ANKRD13B: variants seen among roughly 807,000 people sequenced by gnomAD.
ANKRD13B encodes the protein ankyrin repeat domain 13B, also known as ankyrin repeat domain-containing protein 13B.
ANKRD13B carries 33 observed loss-of-function variants against 74.4 expected under a neutral mutation model. That is an observed-to-expected ratio of 0.44 (90% CI 0.34 to 0.59). The LOEUF is 0.59. Ranked by LOEUF, ANKRD13B falls within the 20% of genes least tolerant of loss-of-function variation. ANKRD13B has a pLI of 0.02. For synonymous variants in ANKRD13B, 341 were observed against 362.9 expected, an observed-to-expected ratio of 0.94 and a Z score of 0.68; for missense variants, 676 against 877.9, an observed-to-expected ratio of 0.77 and a Z score of 2.91.
chr17:29,593,777 G>A, intron 1 of ANKRD13B, 42 bp downstream of exon 1: 2 of 1,257,062 alleles, frequency 1.6e-6, no homozygotes, highest in South Asian at 2.1e-5. Flanking sequence ...CCGCGGCCGG[G>A]CACGCCCGTC....
intron 1 of ANKRD13B, among the ~76,000 whole-genome samples, chr17:29,602,229 A>G (rs893090461): frequency 6.6e-6 from 1 of 151,906 alleles, no homozygotes; most frequent in Non-Finnish European, 1.5e-5. Flanking sequence ...CCCCGTCTCT[A>G]CTAAAAATAC....
intron 1 of ANKRD13B, among the ~76,000 whole-genome samples, chr17:29,602,653 T>G (rs1429615051): frequency 1.3e-5 from 2 of 152,174 alleles, no homozygotes; most frequent in Non-Finnish European, 2.9e-5. Context: ...GCCCCCTGGG[T>G]GATCCAGGAT....
chr17:29,595,956 C>T (rs921501134), intron 1 of ANKRD13B, among the ~76,000 whole-genome samples: 1 of 152,168 alleles, frequency 6.6e-6, no homozygotes, highest in African/African-American at 2.4e-5. Flanking sequence ...CTGTTTTCTG[C>T]AAGGGGGACC....
At position 29,608,178 on chromosome 17, in the gene ANKRD13B, T is replaced by C; in HGVS notation, c.376-17T>C. 6.2e-7 allele frequency: 1 copy of C among 1,614,134 alleles called. No homozygotes were observed. Among genetic ancestry groups the C allele is most frequent in the South Asian group, 1.1e-5 (1 of 91,082 alleles). On this transcript the variant is annotated splice_polypyrimidine_tract_variant and intron_variant, in intron 3 of 14. Transcript: ENST00000394859. This position sits in a 1 kb window ranked among gnomAD's most constrained non-coding sequence, Gnocchi z 6.4. ...TTCTCCAGTGCAGACTTAGCCTCTC[T>C]CCCCTTCGTCCTCCAGGCCCAGGAC...
intron 1 of ANKRD13B, among the ~76,000 whole-genome samples, chr17:29,596,478 G>C (rs571391537): frequency 6.6e-6 from 1 of 152,326 alleles, no homozygotes; most frequent in East Asian, 1.9e-4. Context: ...TTCTGGAGTC[G>C]TGAGTTCCTG....
Position 29,609,570 on chromosome 17 carries a change from C to G in ANKRD13B, c.822+149C>G. 3 of 853,472 alleles carry G rather than the reference C, an allele frequency of 3.5e-6. No homozygotes were observed. The highest frequency in any genetic ancestry group is 5.5e-6 in the Non-Finnish European group (3 of 549,326). The allele number at this position is 853,472 out of a possible 1,614,324, so 52.9% of individuals were successfully genotyped here. A position where few individuals can be genotyped will look rare whatever the true frequency, so the allele number is the denominator to read the frequency against. On this transcript the variant is annotated intron_variant, in intron 7 of 14. Coordinates refer to ENST00000394859, the MANE Select transcript of ANKRD13B (RefSeq NM_152345.5). The surrounding 1 kb of genome is among the most constrained non-coding windows in gnomAD (Gnocchi z 4.0). ...TTATATTTGGGTTCAAGGCACTTCTCTGGTGTTTTATATGGATGTATGGAT... is the reference window on the plus strand; with the variant it reads ...TTATATTTGGGTTCAAGGCACTTCTGTGGTGTTTTATATGGATGTATGGAT...
rs1004006543 is a variant in ANKRD13B at position 29,613,728 on chromosome 17, C to T, written c.*146C>T. ...GTGCAGCAGCACAGCAGGCACGGTT[C>T]GGGGAGGGATTCGGCATGGCCGCGG... On this transcript the variant is annotated 3_prime_UTR_variant, in exon 15 of 15. Coordinates refer to ENST00000394859, the MANE Select transcript of ANKRD13B (RefSeq NM_152345.5). 91 of 1,294,532 alleles carry T rather than the reference C, an allele frequency of 7.0e-5. No individual in the cohort carries two copies. The Middle Eastern group carries it at 9.6e-4, about 14-fold the overall frequency. 80.2% of individuals were successfully genotyped at this position (1,294,532 alleles called of 1,614,324 possible). A position where few individuals can be genotyped will look rare whatever the true frequency, so the allele number is the denominator to read the frequency against.
Position 29,609,065 on chromosome 17 carries a change from G to A in ANKRD13B, c.566-21G>A. 3 of 1,611,516 alleles carry A rather than the reference G, an allele frequency of 1.9e-6. No individual in the cohort carries two copies. The highest frequency in any genetic ancestry group is 2.2e-5 in the East Asian group (1 of 44,872). On this transcript the variant is annotated intron_variant, in intron 5 of 14. Coordinates refer to ENST00000394859, the MANE Select transcript of ANKRD13B (RefSeq NM_152345.5). The surrounding 1 kb of genome is among the most constrained non-coding windows in gnomAD (Gnocchi z 4.0). Reference sequence around the variant, plus strand: ...GCCCCAGGCCACCCCTGATCCCCCTGTGCTGTTCCGTGTCTGGCAGACACA... The same window carrying A: ...GCCCCAGGCCACCCCTGATCCCCCTATGCTGTTCCGTGTCTGGCAGACACA...
In ANKRD13B at chr17:29,604,216, C is replaced by CT. The variant is rs111762441; in HGVS notation, c.115-3516dup. On this transcript the variant is annotated intron_variant, in intron 1 of 14. Transcript: ENST00000394859. The stretch of plus-strand genomic sequence containing the variant: ...GCAAATCAGTTTGACCTTTTTGAGG[C>CT]TTTTTTTTTTGAGACAGAGTCTTGC... Among the ~76,000 whole-genome samples, 947 of 141,788 alleles carry CT rather than the reference C, an allele frequency of 6.7e-3. 11 individuals are homozygous for CT. Among genetic ancestry groups the CT allele is most frequent in the African/African-American group, 0.019 (750 of 38,700 alleles). The allele number at this position is 141,788 out of a possible 152,430, so 93.0% of individuals were successfully genotyped here. A position where few individuals can be genotyped will look rare whatever the true frequency, so the allele number is the denominator to read the frequency against.
intron 1 of ANKRD13B, among the ~76,000 whole-genome samples, chr17:29,602,221 C>G (rs2034205969): frequency 6.6e-6 from 1 of 151,970 alleles, no homozygotes; most frequent in Non-Finnish European, 1.5e-5. Flanking sequence ...CGGTGAAACC[C>G]CGTCTCTACT....
Position 29,611,291 on chromosome 17 carries a change from C to A in ANKRD13B, c.905-288C>A, listed in dbSNP as rs1248348489. 6.6e-6 allele frequency among the ~76,000 whole-genome samples: 1 copy of A among 152,194 alleles called. No individual in the cohort carries two copies. Among genetic ancestry groups the A allele is most frequent in the Non-Finnish European group, 1.5e-5 (1 of 68,028 alleles). On this transcript the variant is annotated intron_variant, in intron 8 of 14. Coordinates refer to ENST00000394859, the MANE Select transcript of ANKRD13B (RefSeq NM_152345.5). The surrounding 1 kb of genome is among the most constrained non-coding windows in gnomAD (Gnocchi z 4.3). ...ACCCCACAGTGCCTGCCGGGGCAGG[C>A]GTTTTACTGTCCAGGGTCACCGAGC...
Position 29,603,716 on chromosome 17 carries a change from A to C in ANKRD13B, c.115-4026A>C, listed in dbSNP as rs2034261625. On this transcript the variant is annotated intron_variant, in intron 1 of 14. Transcript: ENST00000394859. Reference sequence around the variant, plus strand: ...TGTACTTACTATCTTTAGATGGTCCACTGGGTTCTTTTTTATACCTCTCAT... The same window carrying C: ...TGTACTTACTATCTTTAGATGGTCCCCTGGGTTCTTTTTTATACCTCTCAT... Among the ~76,000 whole-genome samples, 2 of 152,084 alleles carry C rather than the reference A, an allele frequency of 1.3e-5. 1 individual carries two copies. Among genetic ancestry groups the C allele is most frequent in the South Asian group, 4.1e-4 (2 of 4,820 alleles).
rs1306893297 is a variant in ANKRD13B at position 29,613,335 on chromosome 17, A to G, written c.1653-19A>G. On this transcript the variant is annotated intron_variant, in intron 14 of 14. Transcript: ENST00000394859. Reference sequence around the variant, plus strand: ...GTGGGTGCGCCCGGGAGCCCGCGACATTCCTTCCCCACCCCCAGGAGCGCC... The same window carrying G: ...GTGGGTGCGCCCGGGAGCCCGCGACGTTCCTTCCCCACCCCCAGGAGCGCC... The G allele has an allele frequency of 1.4e-6, 2 of 1,415,612 alleles. No individual in the cohort carries two copies. The highest frequency in any genetic ancestry group is 1.5e-5 in the African/African-American group (1 of 66,030). The allele number at this position is 1,415,612 out of a possible 1,614,324, so 87.7% of individuals were successfully genotyped here. A position where few individuals can be genotyped will look rare whatever the true frequency, so the allele number is the denominator to read the frequency against.
intron 1 of ANKRD13B, 36 bp downstream of exon 1, chr17:29,593,771 G>A (rs1339554480): frequency 7.7e-7 from 1 of 1,294,442 alleles, no homozygotes; most frequent in Non-Finnish European, 1.0e-6. Flanking sequence ...GGGACCCCGC[G>A]GCCGGGCACG....
In ANKRD13B at chr17:29,612,043, G is replaced by A. The variant is rs746009537; in HGVS notation, c.1100+37G>A. On this transcript the variant is annotated intron_variant, in intron 10 of 14. Transcript: ENST00000394859. This position sits in a 1 kb window ranked among gnomAD's most constrained non-coding sequence, Gnocchi z 6.1. Reference sequence around the variant, plus strand: ...GCCGGTGCTGGGAAGGTGGGGGGCCGGGGCTCCAGGAGATGCTGGGAGGCC... The same window carrying A: ...GCCGGTGCTGGGAAGGTGGGGGGCCAGGGCTCCAGGAGATGCTGGGAGGCC... 49 of 1,607,516 alleles carry A rather than the reference G, an allele frequency of 3.0e-5. No individual in the cohort carries two copies. Among genetic ancestry groups the A allele is most frequent in the African/African-American group, 8.0e-5 (6 of 74,646 alleles).
chr17:29,605,361 A>G (rs2034329383), intron 1 of ANKRD13B, among the ~76,000 whole-genome samples: 1 of 151,938 alleles, frequency 6.6e-6, no homozygotes, highest in Non-Finnish European at 1.5e-5. Context: ...AAAAACAGCT[A>G]TTTCTCTTTA....
chr17:29,601,474 G>A lies in ANKRD13B; in HGVS notation c.115-6268G>A, dbSNP rs556719958. 2.6e-5 allele frequency among the ~76,000 whole-genome samples: 4 copies of A among 152,018 alleles called. No individual in the cohort carries two copies. The South Asian group carries it at 6.2e-4, about 24-fold the overall frequency. ...TGACCTCTGGTGACCTGCCCGCCTC[G>A]GCCTCCCAAAGTGCTGGGATTACAG... On this transcript the variant is annotated intron_variant, in intron 1 of 14. Transcript: ENST00000394859.
intron 1 of ANKRD13B, 64 bp downstream of exon 1, chr17:29,593,799 G>A: frequency 9.9e-7 from 1 of 1,014,430 alleles, no homozygotes; most frequent in Non-Finnish European, 1.3e-6. Context: ...GGCCTGGGGA[G>A]GGGGTGCGGC....
Position 29,612,741 on chromosome 17 carries a change from C to T in ANKRD13B, c.1501C>T (p.Arg501Trp). 2 of 1,601,832 alleles carry T rather than the reference C, an allele frequency of 1.2e-6. No individual in the cohort carries two copies. The highest frequency in any genetic ancestry group is 1.7e-6 in the Non-Finnish European group (2 of 1,178,764). ...GGGCGGCCAGCGGGAGGCGGCGACC[C>T]GGGACGACGACGACGACCTGCTGCA... ...MMGGQREAAT[R>W]DDDDDLLQFA... Residue 501 changes from arginine (R) to tryptophan (W), a missense_variant, in exon 13 of 15, where the codon CGG (arginine) becomes TGG (tryptophan). Coordinates refer to ENST00000394859, the MANE Select transcript of ANKRD13B (RefSeq NM_152345.5). The surrounding 1 kb of genome is among the most constrained non-coding windows in gnomAD (Gnocchi z 6.1).
Sources: allele counts gnomAD v4.1 joint callset (sites outside exome capture counted in the v4.1 genomes callset), GRCh38; gene constraint gnomAD v4.1.1; non-coding constraint Gnocchi (gnomAD v3.1); transcripts MANE v1.5; gene names NCBI Gene and HGNC (gene_info 2026-07-23, HGNC 2026-07-21).